DNER: variants seen among roughly 807,000 people sequenced by gnomAD.
DNER encodes the protein delta and Notch-like epidermal growth factor-related receptor.
DNER carries 33 observed loss-of-function variants against 78.2 expected under a neutral mutation model. The ratio of observed to expected loss-of-function variants is 0.42; its 90% CI spans 0.32 to 0.56. The LOEUF (loss-of-function observed/expected upper bound fraction) is 0.56. DNER is among the 20% of genes least tolerant of loss of function. DNER has a pLI of 0.11. For synonymous variants in DNER, 417 were observed against 384.8 expected, an observed-to-expected ratio of 1.08 and a Z score of -0.98; for missense variants, 918 against 975.3, an observed-to-expected ratio of 0.94 and a Z score of 0.78.
At chr2:229,666,084 C>T (rs952055211) in intron 1 of DNER, among the ~76,000 whole-genome samples, 2 of 152,172 alleles carry the variant, frequency 1.3e-5, no homozygotes, top group Non-Finnish European at 2.9e-5. Flanking sequence ...GATTTCCTAT[C>T]GTATTTCCCA....
chr2:229,413,321 C>CATTTTTTTT (rs1693567540), intron 9 of DNER, among the ~76,000 whole-genome samples: 1 of 67,774 alleles, frequency 1.5e-5, no homozygotes, highest in Non-Finnish European at 2.8e-5. Flanking sequence ...TTTTCTTCTT[C>CATTTTTTTT]TTTTTTTTTT....
intron 5 of DNER, among the ~76,000 whole-genome samples, chr2:229,519,898 C>T (rs916776558): frequency 1.1e-4 from 17 of 152,130 alleles, no homozygotes; most frequent in East Asian, 3.8e-4. Flanking sequence ...CCCTTTGGTT[C>T]GCTGATTCTA....
chr2:229,460,132 G>A (rs1449601287), intron 7 of DNER, among the ~76,000 whole-genome samples: 1 of 135,658 alleles, frequency 7.4e-6, no homozygotes, highest in Non-Finnish European at 1.5e-5. Context: ...ACTCCAGCCT[G>A]GGTGACAGAG....
At chr2:229,415,286 G>A (rs1559345516) in intron 9 of DNER, among the ~76,000 whole-genome samples, 2 of 152,130 alleles carry the variant, frequency 1.3e-5, no homozygotes, top group Non-Finnish European at 2.9e-5. Context: ...TATAAGTTCT[G>A]CCAATAACCT....
intron 9 of DNER, among the ~76,000 whole-genome samples, chr2:229,410,684 T>A (rs1419587336): frequency 9.9e-5 from 15 of 152,240 alleles, no homozygotes; most frequent in Admixed American, 9.8e-4. Context: ...AGAAGAAATG[T>A]TTCTAAAAAG....
At chr2:229,546,172 C>T (rs551860486) in intron 5 of DNER, among the ~76,000 whole-genome samples, 5 of 152,174 alleles carry the variant, frequency 3.3e-5, no homozygotes, top group Non-Finnish European at 7.4e-5. Context: ...TTCTGAGGAC[C>T]TCTTTAGCAA....
At chr2:229,482,002 A>C (rs1355714371) in intron 6 of DNER, among the ~76,000 whole-genome samples, 1 of 152,256 alleles carries the variant, frequency 6.6e-6, no homozygotes, top group African/African-American at 2.4e-5. Flanking sequence ...AAGAGTGCAG[A>C]AAATGTGTGA....
At chr2:229,478,362 A>C (rs1481885185) in intron 6 of DNER, among the ~76,000 whole-genome samples, 1 of 152,220 alleles carries the variant, frequency 6.6e-6, no homozygotes, top group Non-Finnish European at 1.5e-5. Flanking sequence ...GTGATACTAG[A>C]AAAGAGATGA....
intron 7 of DNER, among the ~76,000 whole-genome samples, chr2:229,459,433 A>G (rs750947060): frequency 2.9e-4 from 44 of 152,248 alleles, no homozygotes; most frequent in Non-Finnish European, 4.7e-4. Context: ...TGTTAAAAGT[A>G]ATAGAAAAAT....
intron 5 of DNER, among the ~76,000 whole-genome samples, chr2:229,528,470 A>T (rs773254046): frequency 5.3e-5 from 8 of 152,216 alleles, no homozygotes; most frequent in Non-Finnish European, 1.0e-4. Flanking sequence ...CAGCCCTGTG[A>T]CATAGATATT....
In DNER at chr2:229,591,515, C is replaced by G; in HGVS notation, c.585+65G>C. 2 of 1,516,958 alleles carry G rather than the reference C, an allele frequency of 1.3e-6. No individual in the cohort carries two copies. The highest frequency in any genetic ancestry group is 2.3e-5 in the East Asian group (1 of 43,756). The allele number at this position is 1,516,958 out of a possible 1,614,324, so 94.0% of individuals were successfully genotyped here. On this transcript the variant is annotated intron_variant, in intron 2 of 12. Coordinates refer to ENST00000341772, the MANE Select transcript of DNER (RefSeq NM_139072.4). The surrounding 1 kb of genome is among the most constrained non-coding windows in gnomAD (Gnocchi z 4.6). Reference sequence around the variant, plus strand: ...TCATTTTTAATTGCTGATACTAGAACCGCTGGAGTCACTTTAAGATTTCTG... The same window carrying G: ...TCATTTTTAATTGCTGATACTAGAAGCGCTGGAGTCACTTTAAGATTTCTG...
At chr2:229,371,221 G>A (rs955164251) in intron 11 of DNER, among the ~76,000 whole-genome samples, 2 of 152,176 alleles carry the variant, frequency 1.3e-5, no homozygotes, top group Non-Finnish European at 2.9e-5. Flanking sequence ...TAAGTCCAAC[G>A]CTAGGTCTGA....
intron 1 of DNER, among the ~76,000 whole-genome samples, chr2:229,610,411 C>T (rs1351487203): frequency 3.3e-5 from 5 of 152,220 alleles, no homozygotes; most frequent in African/African-American, 4.8e-5. Context: ...TTAACTGAGA[C>T]CCGCATTCAG....
intron 1 of DNER, among the ~76,000 whole-genome samples, chr2:229,685,537 G>T (rs750472547): frequency 4.6e-5 from 7 of 152,144 alleles, no homozygotes; most frequent in African/African-American, 1.4e-4. Flanking sequence ...CTCAGTAAAC[G>T]CTAGCTGTCA....
chr2:229,619,113 G>C (rs1404541875), intron 1 of DNER, among the ~76,000 whole-genome samples: 2 of 151,870 alleles, frequency 1.3e-5, no homozygotes, highest in Non-Finnish European at 2.9e-5. Context: ...ATTCCAGCCT[G>C]GGGGACAAAG....
chr2:229,483,146 T>A (rs6721121), intron 6 of DNER, among the ~76,000 whole-genome samples: 19,015 of 152,158 alleles, frequency 0.12, 1,334 homozygotes, highest in South Asian at 0.2. Context: ...CCCACTGATA[T>A]GAGAAGAATC....
intron 1 of DNER, among the ~76,000 whole-genome samples, chr2:229,689,611 A>G (rs143722354): frequency 6.6e-6 from 1 of 152,340 alleles, no homozygotes; most frequent in Non-Finnish European, 1.5e-5. Context: ...CACTTCCTGC[A>G]TTCTGAAAGT....
intron 4 of DNER, among the ~76,000 whole-genome samples, chr2:229,551,791 G>A (rs915008260): frequency 2.0e-5 from 3 of 152,016 alleles, no homozygotes; most frequent in Non-Finnish European, 4.4e-5. Flanking sequence ...AAATTACCGG[G>A]CATGGTGGTG....
rs909437540 is a variant in DNER at position 229,592,823 on chromosome 2, C to T, written c.277-935G>A. Among the ~76,000 whole-genome samples, 5 of 152,204 alleles carry T rather than the reference C, an allele frequency of 3.3e-5. No individual in the cohort carries two copies. The East Asian group carries it at 9.6e-4, about 29-fold the overall frequency. On this transcript the variant is annotated intron_variant, in intron 1 of 12. Coordinates refer to ENST00000341772, the MANE Select transcript of DNER (RefSeq NM_139072.4). ...AGATCTCTAGCTGATATACCCCTGG[C>T]TTCTCAGGGCTGACTACAAAACAGA...
Sources: gnomAD v4.1 joint callset for allele counts (sites outside exome capture counted in the v4.1 genomes callset) on GRCh38, gnomAD v4.1.1 for gene constraint, Gnocchi (gnomAD v3.1) non-coding constraint, MANE v1.5 for transcripts, NCBI Gene and HGNC (gene_info 2026-07-23, HGNC 2026-07-21) for gene names.